CDH12: variants seen among roughly 807,000 people sequenced by gnomAD.
CDH12 encodes cadherin-12.
In CDH12, 41 loss-of-function variants were observed where a neutral mutation model predicts 74.1. The observed-to-expected ratio is 0.55, with a 90% CI of 0.43 to 0.72. The LOEUF (loss-of-function observed/expected upper bound fraction) is 0.72, where lower values mean the gene tolerates loss of function less well. Ranked by LOEUF, CDH12 falls within the 30% of genes least tolerant of loss-of-function variation. The pLI, the probability that CDH12 is intolerant of heterozygous loss-of-function variation, is 0.00. For missense variants in CDH12, 945 were observed against 977.2 expected (o/e 0.97, Z 0.44); for synonymous variants, 399 against 355.0 (o/e 1.12, Z -1.39).
At chr5:22,823,238 TG>T (rs1749809438) in intron 1 of CDH12, among the ~76,000 whole-genome samples, 1 of 16,770 alleles carries the variant, frequency 6.0e-5, no homozygotes, top group Non-Finnish European at 1.2e-4. Flanking sequence ...TGTTGTGAGG[TG>T]GGGGGAGGGG....
At chr5:21,888,094 C>G (rs1752723750) in intron 6 of CDH12, among the ~76,000 whole-genome samples, 1 of 152,022 alleles carries the variant, frequency 6.6e-6, no homozygotes, top group Non-Finnish European at 1.5e-5. Flanking sequence ...ATTAGCCGGG[C>G]CTGGGGTAGT....
At chr5:22,333,844 A>C (rs1431155426) in intron 3 of CDH12, among the ~76,000 whole-genome samples, 7 of 152,250 alleles carry the variant, frequency 4.6e-5, no homozygotes, top group Non-Finnish European at 8.8e-5. Context: ...AAATAAATCC[A>C]TGTGGTACAT....
intron 5 of CDH12, among the ~76,000 whole-genome samples, chr5:21,984,405 T>G (rs1757430410): frequency 6.6e-6 from 1 of 152,200 alleles, no homozygotes; most frequent in Non-Finnish European, 1.5e-5. Context: ...TTAGTTCATC[T>G]CTGTGTTTTT....
intron 2 of CDH12, among the ~76,000 whole-genome samples, chr5:22,432,472 TA>T (rs1277391149): frequency 6.6e-6 from 1 of 152,170 alleles, no homozygotes; most frequent in Non-Finnish European, 1.5e-5. Flanking sequence ...AATAGGCAGA[TA>T]TTTTAAAGTG....
chr5:21,815,471 C>T (rs1338672944), intron 9 of CDH12, among the ~76,000 whole-genome samples: 1 of 152,142 alleles, frequency 6.6e-6, no homozygotes, highest in Non-Finnish European at 1.5e-5. Context: ...CTCACATTAA[C>T]AGACTCCTTC....
intron 1 of CDH12, among the ~76,000 whole-genome samples, chr5:22,693,812 T>C (rs1010962332): frequency 2.6e-5 from 4 of 152,160 alleles, no homozygotes; most frequent in African/African-American, 9.7e-5. Flanking sequence ...GTATTTACTT[T>C]CTTATAAAAT....
At chr5:22,753,639 A>G (rs1316609721) in intron 1 of CDH12, among the ~76,000 whole-genome samples, 1 of 150,952 alleles carries the variant, frequency 6.6e-6, no homozygotes, top group African/African-American at 2.4e-5. Context: ...TTAAACTCTC[A>G]GTTGGAAGCA....
chr5:22,227,108 C>T (rs1752219486), intron 3 of CDH12, among the ~76,000 whole-genome samples: 1 of 152,048 alleles, frequency 6.6e-6, no homozygotes, highest in Non-Finnish European at 1.5e-5. Flanking sequence ...CGTCTGGATT[C>T]ATCAGGACTA....
chr5:22,798,585 C>G (rs1279827029), intron 1 of CDH12, among the ~76,000 whole-genome samples: 1 of 151,886 alleles, frequency 6.6e-6, no homozygotes, highest in South Asian at 2.1e-4. Context: ...AAATCATAAT[C>G]GTGATAAAAT....
intron 6 of CDH12, among the ~76,000 whole-genome samples, chr5:21,903,409 C>T (rs1265819518): frequency 6.6e-6 from 1 of 152,090 alleles, no homozygotes; most frequent in East Asian, 1.9e-4. Flanking sequence ...CCCAACAGTT[C>T]TTCTCTCAGT....
intron 5 of CDH12, among the ~76,000 whole-genome samples, chr5:22,066,583 T>C (rs548154118): frequency 2.0e-5 from 3 of 152,286 alleles, no homozygotes; most frequent in East Asian, 3.9e-4. Context: ...AGTTCTAGAA[T>C]GTAATTTGTA....
At chr5:22,058,084 T>G (rs1189787076) in intron 5 of CDH12, among the ~76,000 whole-genome samples, 2 of 151,998 alleles carry the variant, frequency 1.3e-5, no homozygotes, top group Non-Finnish European at 1.5e-5. Context: ...TTTGATGGAG[T>G]CTTGCTCTGT....
chr5:22,812,557 T>C (rs983031845), intron 1 of CDH12, among the ~76,000 whole-genome samples: 8 of 152,102 alleles, frequency 5.3e-5, no homozygotes, highest in Non-Finnish European at 8.8e-5. Flanking sequence ...CCTGACAGTA[T>C]GTGACAGTGT....
At chr5:22,452,886 A>C (rs1259557146) in intron 2 of CDH12, among the ~76,000 whole-genome samples, 1 of 145,350 alleles carries the variant, frequency 6.9e-6, no homozygotes, top group East Asian at 2.0e-4. Flanking sequence ...AGAGCAAAAA[A>C]AAAAAAAAAA....
chr5:21,883,101 G>C, intron 6 of CDH12: 1 of 1,599,908 alleles, frequency 6.3e-7, no homozygotes, highest in Non-Finnish European at 8.6e-7. Context: ...AATTGCACAG[G>C]TTGCTATGAT....
At chr5:22,527,312 T>G (rs1210593721) in intron 1 of CDH12, among the ~76,000 whole-genome samples, 3 of 152,172 alleles carry the variant, frequency 2.0e-5, no homozygotes, top group African/African-American at 7.2e-5. Flanking sequence ...GGGAATTGAT[T>G]GAGAGTCATG....
chr5:21,969,747 T>C (rs1756753663), intron 6 of CDH12, among the ~76,000 whole-genome samples: 1 of 152,178 alleles, frequency 6.6e-6, no homozygotes, highest in Non-Finnish European at 1.5e-5. Context: ...TAATGTATTA[T>C]GCCATAATAG....
At chr5:21,781,809 C>G (rs1434013777) in intron 11 of CDH12, among the ~76,000 whole-genome samples, 8 of 151,834 alleles carry the variant, frequency 5.3e-5, no homozygotes, top group Admixed American at 5.3e-4. Flanking sequence ...TTTTCCTTTC[C>G]TTTCTATTGC....
rs776102352 is a variant in CDH12 at position 21,854,673 on chromosome 5, G to C, written c.644C>G (p.Thr215Arg). ...GTTGCCTCTAATAAAAAATTTACCT[G>C]TCTTGGGATCAATAGAGAAATAAGG... ...GQPYFSIDPK[T>R]GVIRTALPNM... is the part of the protein sequence containing the mutation. Residue 215 changes from threonine (T) to arginine (R), a missense_variant and splice_region_variant, in exon 7 of 15, where the codon ACA becomes AGA. This residue lies in a region of CDH12 where 791 missense variants were observed against 792.8 expected (regional missense o/e 1.00). Coordinates refer to ENST00000382254, the MANE Select transcript of CDH12 (RefSeq NM_004061.5). 3.2e-6 allele frequency: 5 copies of C among 1,555,822 alleles called. No homozygotes were observed. The Admixed American group carries it at 5.2e-5, about 16-fold the overall frequency.
Sources: gnomAD v4.1 joint callset for allele counts (sites outside exome capture counted in the v4.1 genomes callset) on GRCh38, gnomAD v4.1.1 for gene constraint, gnomAD v4.1.1 regional missense constraint, MANE v1.5 for transcripts, NCBI Gene and HGNC (gene_info 2026-07-23, HGNC 2026-07-21) for gene names.